Variants in ZAN observed in about 807,000 individuals in gnomAD.
ZAN encodes the protein zonadhesin, also known as zonadhesin (gene/pseudogene).
Under a neutral mutation model 286.2 loss-of-function variants are expected in ZAN, and 260 were observed. The ratio of observed to expected loss-of-function variants is 0.91; its 90% CI spans 0.82 to 1.01. ZAN has a LOEUF of 1.01. ZAN is among the 50% of genes least tolerant of loss of function. ZAN has a pLI of 0.00. For missense variants in ZAN, 3,410 were observed against 3,639.2 expected (o/e 0.94, Z 1.62); for synonymous variants, 1,368 against 1,417.5 (o/e 0.97, Z 0.79).
chr7:100,739,191 T>C lies in ZAN; in HGVS notation c.766+578T>C, dbSNP rs933961122. Among the ~76,000 whole-genome samples, 2 of 135,164 alleles carry C rather than the reference T, an allele frequency of 1.5e-5. 1 individual carries two copies. The highest frequency in any genetic ancestry group is 3.3e-5 in the Non-Finnish European group (2 of 60,994). The allele number at this position is 135,164 out of a possible 152,430, so 88.7% of individuals were successfully genotyped here. A position where few individuals can be genotyped will look rare whatever the true frequency, so the allele number is the denominator to read the frequency against. On this transcript the variant is annotated intron_variant, in intron 7 of 47. Coordinates refer to ENST00000613979, the MANE Select transcript of ZAN (RefSeq NM_003386.3). ...CATGCCCGGCTAATTTTTGTATTTT[T>C]GGTACAGACAGGGTTTCACCATGTT...
chr7:100,755,574 T>C (rs1051512393), intron 15 of ZAN, among the ~76,000 whole-genome samples, 164 bp downstream of exon 15: 3 of 150,790 alleles, frequency 2.0e-5, no homozygotes, highest in African/African-American at 7.5e-5. Flanking sequence ...ATTCATTCAA[T>C]CTTTTCTTTT....
intron 8 of ZAN, among the ~76,000 whole-genome samples, chr7:100,747,260 G>A (rs1042454003): frequency 5.3e-5 from 8 of 151,612 alleles, no homozygotes; most frequent in Admixed American, 1.3e-4. Flanking sequence ...GGTGGCACAC[G>A]CCTGTAATCT....
At position 100,776,467 on chromosome 7, in the gene ZAN, G is replaced by T. The variant is rs1007213930; in HGVS notation, c.6220G>T (p.Asp2074Tyr). ...KVCGMCGNFN[D>Y]EEEDELMMPS... ...CTGCGGCATGTGTGGGAACTTCAAT[G>T]ATGAGGAAGAGGACGAACTAATGAT... The change falls in exon 34 of 48, where the codon GAT (aspartate) becomes TAT (tyrosine). Residue 2074 changes from aspartate to tyrosine, a missense_variant. Asp to Tyr is a radical substitution (Grantham distance 160). Transcript: ENST00000613979. 3 of 1,604,420 alleles carry T rather than the reference G, an allele frequency of 1.9e-6. No homozygotes were observed. Among genetic ancestry groups the T allele is most frequent in the South Asian group, 1.1e-5 (1 of 88,752 alleles).
rs749163507 is a variant in ZAN at position 100,795,338 on chromosome 7, TGAG to T, written c.8266+4_8266+6del. The T allele has an allele frequency of 1.2e-5, 19 of 1,582,282 alleles. No individual in the cohort carries two copies. Among genetic ancestry groups the T allele is most frequent in the Non-Finnish European group, 1.6e-5 (19 of 1,162,168 alleles). ...ATGCGCCACCTCCCAGAAAGCCAGG[TGAG>T]GGCATCGTCCAAGGCCCTGTACCCT... is the stretch of plus-strand genomic sequence containing the variant. On this transcript the variant is annotated splice_donor_5th_base_variant and intron_variant, in intron 45 of 47. Transcript: ENST00000613979.
intron 15 of ZAN, among the ~76,000 whole-genome samples, chr7:100,756,700 T>G (rs1228954624): frequency 6.7e-6 from 1 of 149,906 alleles, no homozygotes; most frequent in East Asian, 1.9e-4. Context: ...TCACTTTTGT[T>G]TTTTTTTTTT....
At chr7:100,748,681 G>C (rs1303999256) in intron 11 of ZAN, among the ~76,000 whole-genome samples, 2 of 152,078 alleles carry the variant, frequency 1.3e-5, no homozygotes, top group Non-Finnish European at 2.9e-5. Context: ...GAAATCCTGA[G>C]AAAACCCAGG....
chr7:100,766,535 G>A lies in ZAN; in HGVS notation c.4481G>A (p.Arg1494Gln), dbSNP rs534785839. 2.7e-4 allele frequency: 413 copies of A among 1,550,394 alleles called. 5 individuals are homozygous for A. The South Asian group carries it at 4.5e-3, about 17-fold the overall frequency. The change falls in exon 24 of 48, where the codon CGG becomes CAG. Residue 1494 changes from arginine (R) to glutamine (Q), a missense_variant. This residue lies in a region of ZAN where 1,042 missense variants were observed against 1,058.0 expected (regional missense o/e 0.98). Transcript: ENST00000613979. ...PAGSYFKVGE[R>Q]WYKPGCKELC... is the part of the protein sequence containing the mutation. ...TGCTGTCTTCCCCAGGTAGGGGAGC[G>A]GTGGTACAAGCCAGGCTGCAAAGAG...
intron 11 of ZAN, 76 bp from the exon 12 acceptor site, chr7:100,750,549 G>A (rs1808580588): frequency 2.6e-6 from 4 of 1,524,086 alleles, no homozygotes; most frequent in African/African-American, 1.4e-5. Context: ...CGTTCAGAAA[G>A]CAAAGCTTTG....
At chr7:100,758,814 G>A (rs186833440) in intron 17 of ZAN, among the ~76,000 whole-genome samples, 164 bp downstream of exon 17, 1 of 152,216 alleles carries the variant, frequency 6.6e-6, no homozygotes, top group East Asian at 1.9e-4. Context: ...CAGGCACAGT[G>A]ACTCACACTG....
chr7:100,755,924 T>C (rs1343501182), intron 15 of ZAN, among the ~76,000 whole-genome samples: 1 of 152,064 alleles, frequency 6.6e-6, no homozygotes, highest in Non-Finnish European at 1.5e-5. Context: ...AGAGTCTAGC[T>C]CTGTCACCCA....
At chr7:100,755,511 C>A in intron 15 of ZAN, 101 bp downstream of exon 15, 3 of 1,365,152 alleles carry the variant, frequency 2.2e-6, no homozygotes, top group Non-Finnish European at 3.0e-6. Flanking sequence ...CAGGGATCAC[C>A]GGATAGTCCC....
Position 100,760,526 on chromosome 7 carries a change from A to AACATACAG in ZAN, c.3832_3833insACATACAG (p.Thr1278AsnfsTer29). On this transcript the variant is annotated frameshift_variant, in exon 19 of 48. Transcript: ENST00000613979. LOFTEE classifies it high-confidence loss of function. ...GGATGGTGACCAGCAGCTGTATGTT[A>AACATACAG]CTGTGTCCAGGTAAGGCAGTGTCCC... is the stretch of plus-strand genomic sequence containing the variant. 1 of 1,613,912 alleles carries AACATACAG rather than the reference A, an allele frequency of 6.2e-7. No homozygotes were observed.
chr7:100,775,543 C>T lies in ZAN; in HGVS notation c.5995C>T (p.Gln1999Ter). ...GGTCTACATTGACATCTACGATGCC[C>T]AGGTCACCCTGCAGAAGGGCCACCG... ...HEVYIDIYDA[Q>*]VTLQKGHRVL... The change falls in exon 32 of 48, where the codon CAG (glutamine) becomes TAG (stop). Residue 1999 changes from glutamine to a stop codon, truncating the protein, a stop_gained. Coordinates refer to ENST00000613979, the MANE Select transcript of ZAN (RefSeq NM_003386.3). LOFTEE classifies it high-confidence loss of function. 6.2e-7 allele frequency: 1 copy of T among 1,613,846 alleles called. No individual in the cohort carries two copies. Among genetic ancestry groups the T allele is most frequent in the Non-Finnish European group, 8.5e-7 (1 of 1,179,836 alleles).
In ZAN at chr7:100,785,933, A is replaced by G. The variant is rs3847058; in HGVS notation, c.6835-64A>G. 0.015 allele frequency: 22,540 copies of G among 1,541,698 alleles called. 1,843 individuals carry two copies. The African/African-American group carries it at 0.21, about 15-fold the overall frequency. On this transcript the variant is annotated intron_variant, in intron 36 of 47. Transcript: ENST00000613979. Reference sequence around the variant, plus strand: ...CTCGGCCTCCCAAAGTGTTGGGATTACAGGCGTGAGCCGCCGCGCCCAGCC... The same window carrying G: ...CTCGGCCTCCCAAAGTGTTGGGATTGCAGGCGTGAGCCGCCGCGCCCAGCC...
At chr7:100,751,378 A>G (rs1808651329) in intron 13 of ZAN, 112 bp downstream of exon 13, 2 of 776,630 alleles carry the variant, frequency 2.6e-6, no homozygotes, top group East Asian at 6.0e-5. Flanking sequence ...ATTCTCACCC[A>G]GCTGGCTTTG....
chr7:100,795,391 C>G, intron 45 of ZAN, 55 bp downstream of exon 45: 1 of 1,447,288 alleles, frequency 6.9e-7, no homozygotes, highest in Non-Finnish European at 9.1e-7. Context: ...GGCCGACAAC[C>G]ACAGAATGAT....
intron 35 of ZAN, among the ~76,000 whole-genome samples, chr7:100,783,735 A>AAAAAAAC (rs1811342623): frequency 2.6e-4 from 1 of 3,908 alleles, no homozygotes; most frequent in Admixed American, 4.1e-3. Context: ...GTCCCCCGCA[A>AAAAAAAC]AAAAAAAAAA....
intron 11 of ZAN, among the ~76,000 whole-genome samples, chr7:100,749,966 G>C (rs1246378435): frequency 2.7e-5 from 4 of 147,868 alleles, no homozygotes; most frequent in African/African-American, 9.9e-5. Context: ...CAGGACAATC[G>C]CTTGAACCTG....
chr7:100,750,871 C>T lies in ZAN; in HGVS notation c.1496C>T (p.Pro499Leu). The T allele has an allele frequency of 6.4e-7, 1 of 1,561,002 alleles. No individual in the cohort carries two copies. The highest frequency in any genetic ancestry group is 8.7e-7 in the Non-Finnish European group (1 of 1,151,212). ...PYWQNTSVTV[P>L]SGHQQPMQLI... ...TGGCAGAACACCTCCGTCACCGTCC[C>T]CTCAGGACACCAACAGCCCATGCAG... The change falls in exon 12 of 48, where the codon CCC becomes CTC. Residue 499 changes from proline (P) to leucine (L), a missense_variant. This residue lies in a region of ZAN where 872 missense variants were observed against 938.9 expected (regional missense o/e 0.93). Transcript: ENST00000613979.
Sources: gnomAD v4.1 joint callset for allele counts (sites outside exome capture counted in the v4.1 genomes callset) on GRCh38, gnomAD v4.1.1 for gene constraint, gnomAD v4.1.1 regional missense constraint, MANE v1.5 for transcripts, NCBI Gene and HGNC (gene_info 2026-07-23, HGNC 2026-07-21) for gene names.